The following CEP131 variants were observed in gnomAD, a reference collection of about 807,000 sequenced individuals.
CEP131 encodes the protein centrosomal protein 131.
Under a neutral mutation model 136.8 loss-of-function variants are expected in CEP131, and 99 were observed. The observed-to-expected ratio is 0.72, with a 90% CI of 0.62 to 0.86. CEP131 has a LOEUF of 0.86. CEP131 is among the 40% of genes least tolerant of loss of function. The pLI, the probability that CEP131 is intolerant of heterozygous loss-of-function variation, is 0.00. For missense variants in CEP131, 1,459 were observed against 1,463.0 expected, an observed-to-expected ratio of 1.00 and a Z score of 0.04; for synonymous variants, 646 against 612.7, an observed-to-expected ratio of 1.05 and a Z score of -0.80.
At chr17:81,192,174 C>G in intron 21 of CEP131, 144 bp downstream of exon 21, 1 of 731,122 alleles carries the variant, frequency 1.4e-6, no homozygotes, top group Non-Finnish European at 2.2e-6. Flanking sequence ...GTTCAGACAA[C>G]AACCCCAAGC....
chr17:81,192,190 G>A (rs2061654677), intron 21 of CEP131, 128 bp downstream of exon 21: 6 of 816,368 alleles, frequency 7.3e-6, no homozygotes, highest in Non-Finnish European at 1.2e-5. Context: ...CAAGCAGCCA[G>A]ATGTGACTCC....
rs1464356501 is a variant in CEP131 at position 81,219,981 on chromosome 17, G to A, written c.76C>T (p.Pro26Ser). The A allele has an allele frequency of 1.2e-6, 2 of 1,612,042 alleles. No individual in the cohort carries two copies. The highest frequency in any genetic ancestry group is 1.7e-5 in the Admixed American group (1 of 59,806). ...AGVDLSLTGL[P>S]PPVSRRPGSA... Reference sequence around the variant, plus strand: ...CCAGGACGCCGGGACACAGGCGGAGGGAGACCTGTCAGACTCAGGTCCACA... The same window carrying A: ...CCAGGACGCCGGGACACAGGCGGAGAGAGACCTGTCAGACTCAGGTCCACA... Residue 26 changes from proline (P) to serine (S), a missense_variant, in exon 2 of 26, where the codon CCT becomes TCT. Around this residue, in one of 3 missense-constraint regions of CEP131, gnomAD observed 187 missense variants for 179.9 expected, o/e 1.04. Coordinates refer to ENST00000450824, the MANE Select transcript of CEP131 (RefSeq NM_014984.4). The surrounding 1 kb of genome is among the most constrained non-coding windows in gnomAD (Gnocchi z 4.0).
rs148448761 is a variant in CEP131, at chr17:81,194,976, C to T, written c.2017-4G>A. 1.9e-5 allele frequency: 31 copies of T among 1,608,190 alleles called. No homozygotes were observed. Among genetic ancestry groups the T allele is most frequent in the Middle Eastern group, 3.3e-4 (2 of 6,066 alleles). ...ATTCTTTGAGTTTTTTAATCTCCTA[C>T]GAGCAGAACAGGGCAGGAGGAAACG... On this transcript the variant is annotated splice_polypyrimidine_tract_variant and splice_region_variant and intron_variant, in intron 16 of 25. Transcript: ENST00000450824.
At chr17:81,196,065 G>C in intron 15 of CEP131, 114 bp from the exon 16 acceptor site, 2 of 830,774 alleles carry the variant, frequency 2.4e-6, no homozygotes, top group East Asian at 2.6e-5. Flanking sequence ...CTCCCCTGGG[G>C]CTGCCCCTCC....
chr17:81,195,524 TGGCAGTGGG>T (rs1163299937), intron 16 of CEP131, among the ~76,000 whole-genome samples: 1 of 152,130 alleles, frequency 6.6e-6, no homozygotes, highest in Non-Finnish European at 1.5e-5. Context: ...CCCAAGGACC[TGGCAGTGGG>T]GCAGACCAGG....
chr17:81,193,909 C>G lies in CEP131; in HGVS notation c.2321+17G>C, dbSNP rs1421879566. 2 of 1,532,484 alleles carry G rather than the reference C, an allele frequency of 1.3e-6. No individual in the cohort carries two copies. Among genetic ancestry groups the G allele is most frequent in the African/African-American group, 2.8e-5 (2 of 72,448 alleles). The allele number at this position is 1,532,484 out of a possible 1,614,324, so 94.9% of individuals were successfully genotyped here. ...CCCTGAGGGTCCTGGCCCCACCGGC[C>G]TGGGGCCACCACCCACCGCTGCCGA... is the stretch of plus-strand genomic sequence containing the variant. On this transcript the variant is annotated intron_variant, in intron 18 of 25. Coordinates refer to ENST00000450824, the MANE Select transcript of CEP131 (RefSeq NM_014984.4).
At chr17:81,193,619 G>A (rs1177100678) in intron 18 of CEP131, among the ~76,000 whole-genome samples, 2 of 152,208 alleles carry the variant, frequency 1.3e-5, no homozygotes, top group African/African-American at 4.8e-5. Context: ...TTGCTGCTCT[G>A]GGGCCAGTTG....
intron 13 of CEP131, 156 bp downstream of exon 13, chr17:81,197,556 C>T (rs1425040869): frequency 2.6e-5 from 31 of 1,172,402 alleles, no homozygotes; most frequent in Admixed American, 1.5e-4. Flanking sequence ...TGAGGGACCA[C>T]CTCCTGCTGG....
intron 21 of CEP131, 94 bp from the exon 22 acceptor site, chr17:81,191,429 G>C: frequency 8.2e-7 from 1 of 1,213,078 alleles, no homozygotes; most frequent in Non-Finnish European, 1.2e-6. Context: ...TCCAGGCTCT[G>C]AGCCACAGGG....
chr17:81,208,244 G>A lies in CEP131; in HGVS notation c.272+684C>T, dbSNP rs1336059152. On this transcript the variant is annotated intron_variant, in intron 3 of 25. Coordinates refer to ENST00000450824, the MANE Select transcript of CEP131 (RefSeq NM_014984.4). The surrounding 1 kb of genome is among the most constrained non-coding windows in gnomAD (Gnocchi z 5.6). Reference sequence around the variant, plus strand: ...CTGCACTGGATAGGGTGTGGTGGCCGCAGTTCTTGGTCTTCCCAGGAAGGG... The same window carrying A: ...CTGCACTGGATAGGGTGTGGTGGCCACAGTTCTTGGTCTTCCCAGGAAGGG... Among the ~76,000 whole-genome samples the A allele has an allele frequency of 1.3e-5, 2 of 152,104 alleles. No homozygotes were observed. The highest frequency in any genetic ancestry group is 1.3e-4 in the Admixed American group (2 of 15,278).
At chr17:81,198,003 G>A in intron 12 of CEP131, 112 bp downstream of exon 12, 1 of 1,494,374 alleles carries the variant, frequency 6.7e-7, no homozygotes, top group Non-Finnish European at 8.9e-7. Flanking sequence ...TGTGACTAAA[G>A]CCAGGAGGAG....
chr17:81,191,093 G>T lies in CEP131; in HGVS notation c.2766-9C>A, dbSNP rs113793019. ...CCCGTAAGCGCTTGATGCTGGAGGT[G>T]GGGGGAGGGCAGGGTCACTCCAGCC... is the stretch of plus-strand genomic sequence containing the variant. On this transcript the variant is annotated splice_polypyrimidine_tract_variant and intron_variant, in intron 22 of 25. Coordinates refer to ENST00000450824, the MANE Select transcript of CEP131 (RefSeq NM_014984.4). 12,919 of 1,594,912 alleles carry T rather than the reference G, an allele frequency of 8.1e-3. 103 individuals are homozygous for T. The highest frequency in any genetic ancestry group is 0.043 in the Middle Eastern group (255 of 5,988).
rs2061939256 is a variant in CEP131, at chr17:81,203,464, C to T, written c.629+30G>A. 1 of 1,547,922 alleles carries T rather than the reference C, an allele frequency of 6.5e-7. No homozygotes were observed. The highest frequency in any genetic ancestry group is 8.8e-7 in the Non-Finnish European group (1 of 1,142,406). On this transcript the variant is annotated intron_variant, in intron 6 of 25. Coordinates refer to ENST00000450824, the MANE Select transcript of CEP131 (RefSeq NM_014984.4). This position sits in a 1 kb window ranked among gnomAD's most constrained non-coding sequence, Gnocchi z 4.6. Reference sequence around the variant, plus strand: ...ATGCCCTAACTGAGGTCGGACCCCGCAGCCCCGCGGCCTCCCCAGAAGACC... The same window carrying T: ...ATGCCCTAACTGAGGTCGGACCCCGTAGCCCCGCGGCCTCCCCAGAAGACC...
rs956755632 is a variant in CEP131, at chr17:81,217,897, G to A, written c.177+1983C>T. On this transcript the variant is annotated intron_variant, in intron 2 of 25. Coordinates refer to ENST00000450824, the MANE Select transcript of CEP131 (RefSeq NM_014984.4). ...GTGGTTAGGTGCCTGGGTCGGCCGC[G>A]GATAGAGCCTGGCCATGCCGCCGAA... Among the ~76,000 whole-genome samples, 17 of 152,266 alleles carry A rather than the reference G, an allele frequency of 1.1e-4. No individual in the cohort carries two copies. The East Asian group carries it at 2.9e-3, about 26-fold the overall frequency.
chr17:81,199,947 A>T, intron 8 of CEP131, 112 bp from the exon 9 acceptor site: 1 of 1,042,580 alleles, frequency 9.6e-7, no homozygotes, highest in Non-Finnish European at 1.5e-6. Flanking sequence ...GTGGAATCTC[A>T]GGGCCAGCAG....
rs527696846 is a variant in CEP131, at chr17:81,190,053, C to T, written c.3108-78G>A. On this transcript the variant is annotated intron_variant, in intron 24 of 25. Transcript: ENST00000450824. ...AGTGGCCTGCAGTGCACAGGGTGCACGGGGCAGCCGCCTGGTCAGCCTGGT... is the reference window on the plus strand; with the variant it reads ...AGTGGCCTGCAGTGCACAGGGTGCATGGGGCAGCCGCCTGGTCAGCCTGGT... 1,130 of 1,320,290 alleles carry T rather than the reference C, an allele frequency of 8.6e-4. 2 individuals carry two copies. The highest frequency in any genetic ancestry group is 1.1e-3 in the Non-Finnish European group (1,056 of 970,760). 81.8% of individuals were successfully genotyped at this position (1,320,290 alleles called of 1,614,324 possible).
In CEP131 at chr17:81,201,918, G is replaced by A. The variant is rs527827637; in HGVS notation, c.788+322C>T. 2.3e-4 allele frequency among the ~76,000 whole-genome samples: 35 copies of A among 152,140 alleles called. No homozygotes were observed. The East Asian group carries it at 5.0e-3, about 22-fold the overall frequency. On this transcript the variant is annotated intron_variant, in intron 7 of 25. Coordinates refer to ENST00000450824, the MANE Select transcript of CEP131 (RefSeq NM_014984.4). ...AGATCGAGAACATCCTGGCTAACAC[G>A]GTGAAACCCCGTCTCTACTAAAAAT...
intron 2 of CEP131, among the ~76,000 whole-genome samples, chr17:81,214,692 A>C (rs1199390443): frequency 6.6e-6 from 1 of 152,206 alleles, no homozygotes; most frequent in Non-Finnish European, 1.5e-5. Flanking sequence ...AGCACGAGGG[A>C]GCAGGCCCCG....
rs116806556 is a variant in CEP131 at position 81,192,324 on chromosome 17, C to T, written c.2616G>A (p.Arg872=). ...TGGGTGCCCAGGCCCCCACCTCCTTCCTGGTGCGGCCGGCCTCCCACGCCT... is the reference window on the plus strand; with the variant it reads ...TGGGTGCCCAGGCCCCCACCTCCTTTCTGGTGCGGCCGGCCTCCCACGCCT... The part of the protein sequence containing the change: ...ERQAWEAGRT[R]KEEAWLLNRE... Residue 872 remains arginine (R), a synonymous_variant, in exon 21 of 26, where the codon AGG becomes AGA. Coordinates refer to ENST00000450824, the MANE Select transcript of CEP131 (RefSeq NM_014984.4). The T allele has an allele frequency of 1.1e-3, 1,660 of 1,555,564 alleles. 13 individuals are homozygous for T. In the African/African-American group the frequency reaches 0.021, roughly 19 times the overall value.
Sources: gnomAD v4.1 joint callset for allele counts (sites outside exome capture counted in the v4.1 genomes callset) on GRCh38, gnomAD v4.1.1 for gene constraint, gnomAD v4.1.1 regional missense constraint, Gnocchi (gnomAD v3.1) non-coding constraint, MANE v1.5 for transcripts, NCBI Gene and HGNC (gene_info 2026-07-23, HGNC 2026-07-21) for gene names.